DNAI3: variants seen among roughly 807,000 people sequenced by gnomAD.
The protein encoded by DNAI3 is WD repeat domain 63.
DNAI3 carries 83 observed loss-of-function variants against 115.5 expected under a neutral mutation model. That is an observed-to-expected ratio of 0.72 (90% CI 0.60 to 0.86). The LOEUF is 0.86. Ranked by LOEUF, DNAI3 falls within the 40% of genes least tolerant of loss-of-function variation. The pLI is 0.00. For synonymous variants in DNAI3, 320 were observed against 347.0 expected, an observed-to-expected ratio of 0.92 and a Z score of 0.86; for missense variants, 1,004 against 1,075.8, an observed-to-expected ratio of 0.93 and a Z score of 0.93.
At chr1:85,105,783 C>T in intron 14 of DNAI3, among the ~76,000 whole-genome samples, 1 of 152,128 alleles carries the variant, frequency 6.6e-6, no homozygotes, top group Non-Finnish European at 1.5e-5. Context: ...TGAATCAGTG[C>T]CAATCATTGT....
chr1:85,101,633 C>G (rs991242006), intron 13 of DNAI3, among the ~76,000 whole-genome samples: 3 of 134,278 alleles, frequency 2.2e-5, no homozygotes, highest in Admixed American at 8.7e-5. Flanking sequence ...GAGGCTGAGG[C>G]GGGAGAATGG....
At chr1:85,087,088 C>T (rs12722966) in intron 7 of DNAI3, among the ~76,000 whole-genome samples, 27,985 of 151,884 alleles carry the variant, frequency 0.18, 2,688 homozygotes, top group South Asian at 0.26. Flanking sequence ...TGTGCTTATC[C>T]CCTCCTTCAT....
intron 16 of DNAI3, among the ~76,000 whole-genome samples, chr1:85,112,310 G>GAT (rs1367488948): frequency 3.3e-5 from 5 of 152,118 alleles, no homozygotes. Context: ...TCATTGTATG[G>GAT]ATACACAACA....
intron 4 of DNAI3, 123 bp downstream of exon 4, chr1:85,081,538 G>C: frequency 1.3e-6 from 1 of 795,870 alleles, no homozygotes; most frequent in Non-Finnish European, 1.8e-6. Context: ...GTGCTAGCTT[G>C]CCCACCCCTC....
intron 13 of DNAI3, among the ~76,000 whole-genome samples, chr1:85,099,596 T>G (rs1300687366): frequency 2.0e-5 from 3 of 152,130 alleles, no homozygotes; most frequent in Non-Finnish European, 4.4e-5. Context: ...AGGCTACCAA[T>G]GACTTTCTTC....
chr1:85,107,745 T>G (rs1415133969), intron 14 of DNAI3, among the ~76,000 whole-genome samples: 2 of 152,216 alleles, frequency 1.3e-5, no homozygotes, highest in African/African-American at 4.8e-5. Context: ...GGATGAATGT[T>G]GTAGTATATG....
intron 16 of DNAI3, among the ~76,000 whole-genome samples, chr1:85,111,311 C>T (rs1192251230): frequency 6.6e-6 from 1 of 152,132 alleles, no homozygotes; most frequent in Non-Finnish European, 1.5e-5. Flanking sequence ...TCTATTAGGG[C>T]CTGCTTCATT....
At chr1:85,123,857 G>A (rs1656055843) in intron 18 of DNAI3, among the ~76,000 whole-genome samples, 1 of 152,210 alleles carries the variant, frequency 6.6e-6, no homozygotes, top group Admixed American at 6.5e-5. Flanking sequence ...GACTAATTGA[G>A]TGAATTAATG....
At chr1:85,126,753 G>T in intron 20 of DNAI3, 38 bp downstream of exon 20, 3 of 1,609,594 alleles carry the variant, frequency 1.9e-6, no homozygotes, top group Non-Finnish European at 1.7e-6. Context: ...AGTCATTTTG[G>T]GTAACTCGGG....
intron 9 of DNAI3, 149 bp downstream of exon 9, chr1:85,093,797 C>A (rs748442870): frequency 3.4e-6 from 3 of 886,710 alleles, no homozygotes; most frequent in Non-Finnish European, 3.6e-6. Flanking sequence ...GCTTTCCACG[C>A]CCTCACTGTC....
At chr1:85,066,875 T>A (rs533948462) in intron 1 of DNAI3, among the ~76,000 whole-genome samples, 17 of 152,296 alleles carry the variant, frequency 1.1e-4, no homozygotes, top group South Asian at 6.2e-4. Flanking sequence ...TTGTTGGGGA[T>A]TTGTTTTTAA....
intron 3 of DNAI3, among the ~76,000 whole-genome samples, chr1:85,073,523 T>G (rs1162457986): frequency 6.6e-6 from 1 of 152,232 alleles, no homozygotes; most frequent in Non-Finnish European, 1.5e-5. Context: ...CTAATGTTGT[T>G]CCTACATGTA....
At chr1:85,079,575 G>A (rs897469487) in intron 3 of DNAI3, among the ~76,000 whole-genome samples, 1 of 152,120 alleles carries the variant, frequency 6.6e-6, no homozygotes, top group Admixed American at 6.5e-5. Flanking sequence ...AGAGGAGATG[G>A]GAGTGGACCC....
At chr1:85,126,255 T>G (rs1656129551) in intron 19 of DNAI3, among the ~76,000 whole-genome samples, 1 of 152,216 alleles carries the variant, frequency 6.6e-6, no homozygotes, top group Non-Finnish European at 1.5e-5. Context: ...AGTTGGATTA[T>G]TAGAAACTTC....
rs1316374860 is a variant in DNAI3, at chr1:85,081,773, G to A, written c.285+358G>A. ...AGCAATCCTCCCGTTTCAGCCTCCT[G>A]AGTAACTGGGACCACAGGCACAGGC... On this transcript the variant is annotated intron_variant, in intron 4 of 22. Coordinates refer to ENST00000294664, the MANE Select transcript of DNAI3 (RefSeq NM_145172.5). 2.0e-5 allele frequency among the ~76,000 whole-genome samples: 3 copies of A among 152,128 alleles called. No homozygotes were observed. In the East Asian group the frequency reaches 5.8e-4, roughly 29 times the overall value.
intron 7 of DNAI3, among the ~76,000 whole-genome samples, chr1:85,087,498 C>T (rs1443764217): frequency 6.8e-5 from 10 of 147,104 alleles, no homozygotes; most frequent in Admixed American, 2.0e-4. Flanking sequence ...CCATTACCAT[C>T]TATCCCCTTA....
chr1:85,091,527 A>G (rs1252088836), intron 8 of DNAI3, among the ~76,000 whole-genome samples: 1 of 152,242 alleles, frequency 6.6e-6, no homozygotes, highest in Non-Finnish European at 1.5e-5. Flanking sequence ...TGCAAACATA[A>G]CTTCCAGCTT....
At position 85,126,584 on chromosome 1, in the gene DNAI3, G is replaced by C. The variant is rs762665219; in HGVS notation, c.2186G>C (p.Gly729Ala). 11 of 1,614,074 alleles carry C rather than the reference G, an allele frequency of 6.8e-6. No homozygotes were observed. In the South Asian group the frequency reaches 1.2e-4, roughly 18 times the overall value. The change falls in exon 20 of 23, where the codon GGA becomes GCA. Residue 729 changes from glycine to alanine, a missense_variant. Physicochemically the swap from Gly to Ala is moderately conservative, Grantham distance 60. Coordinates refer to ENST00000294664, the MANE Select transcript of DNAI3 (RefSeq NM_145172.5). The stretch of plus-strand genomic sequence containing the variant: ...GGCCACTGGTCCCTGACTCGGCCCG[G>C]AGTTTTCTACATCGGCCGAGAAGAT... Reference protein sequence around the residue: ...TSGHWSLTRPGVFYIGREDGY... With the variant: ...TSGHWSLTRPAVFYIGREDGY...
intron 6 of DNAI3, among the ~76,000 whole-genome samples, chr1:85,085,283 G>A (rs543850225): frequency 9.2e-5 from 14 of 152,286 alleles, no homozygotes; most frequent in African/African-American, 3.4e-4. Flanking sequence ...CACCCCATTT[G>A]TAGTACTTGG....
Sources: gnomAD v4.1 joint callset for allele counts (sites outside exome capture counted in the v4.1 genomes callset) on GRCh38, gnomAD v4.1.1 for gene constraint, MANE v1.5 for transcripts, NCBI Gene and HGNC (gene_info 2026-07-23, HGNC 2026-07-21) for gene names.